Variants in ADRA1B observed in about 807,000 individuals in gnomAD.
ADRA1B encodes alpha-1B adrenergic receptor.
Under a neutral mutation model 17.9 loss-of-function variants are expected in ADRA1B, and 17 were observed. That is an observed-to-expected ratio of 0.95 (90% confidence interval 0.65 to 1.42). The LOEUF (loss-of-function observed/expected upper bound fraction) is 1.42. Among genes scored for constraint, ADRA1B ranks in the 40% most tolerant of loss-of-function variants. The pLI is 0.00. For synonymous variants in ADRA1B, 366 were observed against 327.6 expected, an observed-to-expected ratio of 1.12 and a Z score of -1.27; for missense variants, 681 against 722.1, an observed-to-expected ratio of 0.94 and a Z score of 0.65.
At position 159,897,346 on chromosome 5, in the gene ADRA1B, C is replaced by T. The variant is rs370189513; in HGVS notation, c.-255-18773C>T. 4.6e-5 allele frequency among the ~76,000 whole-genome samples: 7 copies of T among 152,034 alleles called. No individual in the cohort carries two copies. In the East Asian group the frequency reaches 5.8e-4, roughly 13 times the overall value. On this transcript the variant is annotated intron_variant, in intron 1 of 2. Coordinates refer to the ADRA1B transcript ENST00000641205. ...ACTACAAATACAAAAATTAGCCGGG[C>T]GTGGTGGAACGCACCTGTAATCCCA...
intron 1 of ADRA1B, among the ~76,000 whole-genome samples, chr5:159,970,514 C>T (rs921699401): frequency 9.2e-5 from 14 of 152,192 alleles, no homozygotes; most frequent in Non-Finnish European, 1.6e-4. Flanking sequence ...CACCTCCTGT[C>T]ACTACAAACA....
chr5:159,930,535 C>T (rs1754773820), intron 1 of ADRA1B, among the ~76,000 whole-genome samples: 1 of 152,156 alleles, frequency 6.6e-6, no homozygotes, highest in South Asian at 2.1e-4. Flanking sequence ...GCTGAGATCA[C>T]ACCACTGCAC....
intron 1 of ADRA1B, among the ~76,000 whole-genome samples, chr5:159,946,607 G>C (rs1174376492): frequency 6.6e-6 from 1 of 152,172 alleles, no homozygotes; most frequent in African/African-American, 2.4e-5. Context: ...TAAACCAAAA[G>C]TTGCATGCCT....
chr5:159,899,239 G>GAA, intron 1 of ADRA1B, among the ~76,000 whole-genome samples: 1 of 139,452 alleles, frequency 7.2e-6, no homozygotes, highest in African/African-American at 2.7e-5. Context: ...AAGGAGGGAG[G>GAA]GAGGAAGGAA....
upstream of ADRA1B, chr5:159,916,403 C>T (rs1390130787): frequency 6.6e-6 from 1 of 151,626 alleles, no homozygotes; most frequent in African/African-American, 2.4e-5. Flanking sequence ...CTGCGGGCGC[C>T]TTGGCTGGAC....
chr5:159,896,149 A>G (rs74747711), intron 1 of ADRA1B, among the ~76,000 whole-genome samples: 4,886 of 152,346 alleles, frequency 0.032, 104 homozygotes, highest in Middle Eastern at 0.078. Flanking sequence ...TGTTGAATCA[A>G]TAAATGACAG....
intron 1 of ADRA1B, among the ~76,000 whole-genome samples, chr5:159,899,992 G>T (rs1356151358): frequency 1.3e-5 from 2 of 152,130 alleles, no homozygotes; most frequent in Non-Finnish European, 2.9e-5. Flanking sequence ...CTAATATATT[G>T]ATAAAGGTGA....
At chr5:159,888,248 C>G (rs1414490379) in intron 1 of ADRA1B, 2 of 152,074 alleles carry the variant, frequency 1.3e-5, no homozygotes, top group Non-Finnish European at 2.9e-5. Context: ...TGTCATATAC[C>G]TACTATGAGT....
chr5:159,972,632 G>A lies in ADRA1B; in HGVS notation c.*140G>A, dbSNP rs1755904827. 5.2e-6 allele frequency: 5 copies of A among 958,368 alleles called. No homozygotes were observed. Among genetic ancestry groups the A allele is most frequent in the East Asian group, 3.3e-5 (1 of 30,068 alleles). 59.4% of individuals were successfully genotyped at this position (958,368 alleles called of 1,614,324 possible). ...GAACCGGGGGGAGGGCCGGGGAGAGGGGCAGCTGCTTTTCTGGCAGGGGCA... is the reference window on the plus strand; with the variant it reads ...GAACCGGGGGGAGGGCCGGGGAGAGAGGCAGCTGCTTTTCTGGCAGGGGCA... On this transcript the variant is annotated 3_prime_UTR_variant, in exon 2 of 2. Coordinates refer to ENST00000306675, the MANE Select transcript of ADRA1B (RefSeq NM_000679.4).
At chr5:159,945,043 C>T (rs186390990) in intron 1 of ADRA1B, among the ~76,000 whole-genome samples, 1 of 152,130 alleles carries the variant, frequency 6.6e-6, no homozygotes. Context: ...AAAGCATAAG[C>T]TCAACCTGAG....
chr5:159,895,723 A>C (rs1754034422), intron 1 of ADRA1B, among the ~76,000 whole-genome samples: 1 of 152,222 alleles, frequency 6.6e-6, no homozygotes, highest in Non-Finnish European at 1.5e-5. Flanking sequence ...AGCTCTCTGC[A>C]GTCCAAATGT....
At chr5:159,906,728 T>C (rs573614798) in intron 1 of ADRA1B, among the ~76,000 whole-genome samples, 31 of 152,302 alleles carry the variant, frequency 2.0e-4, no homozygotes, top group African/African-American at 7.2e-4. Flanking sequence ...TTCCCTAGAC[T>C]GAACAAAGGA....
intron 1 of ADRA1B, among the ~76,000 whole-genome samples, chr5:159,880,703 A>C (rs1753853063): frequency 1.3e-5 from 2 of 152,088 alleles, no homozygotes; most frequent in African/African-American, 4.8e-5. Flanking sequence ...ATTTCTACCC[A>C]TCCAAGTTTT....
Position 159,916,731 on chromosome 5 carries a change from G to A in ADRA1B, c.-175G>A. ...CTGACAGGCGAGCGAGCGACTCGGT[G>A]CAGGCAGGAGACGTGCTGCCGGGCT... On this transcript the variant is annotated 5_prime_UTR_variant, in exon 1 of 2. Transcript: ENST00000306675. The A allele has an allele frequency of 3.2e-6, 2 of 624,828 alleles. No individual in the cohort carries two copies. Among genetic ancestry groups the A allele is most frequent in the South Asian group, 4.0e-5 (2 of 49,822 alleles). The allele number at this position is 624,828 out of a possible 1,614,324, so 38.7% of individuals were successfully genotyped here.
In ADRA1B at chr5:159,917,184, G is replaced by T; in HGVS notation, c.279G>T (p.Leu93=). 6.2e-7 allele frequency: 1 copy of T among 1,614,196 alleles called. No homozygotes were observed. Among genetic ancestry groups the T allele is most frequent in the Non-Finnish European group, 8.5e-7 (1 of 1,180,042 alleles). The change falls in exon 1 of 2, where the codon CTG becomes CTT. Residue 93 remains leucine (L), a synonymous_variant. Transcript: ENST00000306675. ...FIVNLAMADL[L]LSFTVLPFSA... is the part of the protein sequence containing the mutation. ...TCAACCTGGCCATGGCCGACCTGCT[G>T]TTGAGCTTCACCGTCCTGCCCTTCT...
At chr5:159,920,412 A>G (rs1754447109) in intron 1 of ADRA1B, among the ~76,000 whole-genome samples, 1 of 152,032 alleles carries the variant, frequency 6.6e-6, no homozygotes, top group Non-Finnish European at 1.5e-5. Flanking sequence ...CCTTTCTGAG[A>G]CTTTGTCCCC....
intron 1 of ADRA1B, among the ~76,000 whole-genome samples, chr5:159,906,596 T>C (rs1282982606): frequency 1.3e-5 from 2 of 152,244 alleles, no homozygotes; most frequent in Non-Finnish European, 2.9e-5. Context: ...TTTTATTCCC[T>C]GTAAAGTTTG....
chr5:159,914,151 C>T (rs555021870), upstream of ADRA1B, among the ~76,000 whole-genome samples: 47 of 152,278 alleles, frequency 3.1e-4, 1 homozygote, highest in Non-Finnish European at 4.7e-4. Context: ...CCTGGAGCTA[C>T]GGGATCTCAA....
intron 1 of ADRA1B, chr5:159,888,616 A>T (rs923549436): frequency 2.6e-5 from 4 of 152,196 alleles, no homozygotes; most frequent in African/African-American, 9.7e-5. Context: ...ACAAAAAAAA[A>T]TGGGAAAGGA....
Sources: allele counts gnomAD v4.1 joint callset (sites outside exome capture counted in the v4.1 genomes callset), GRCh38; gene constraint gnomAD v4.1.1; transcripts MANE v1.5; gene names NCBI Gene and HGNC (gene_info 2026-07-23, HGNC 2026-07-21).